PALM2AKAP2: variants seen among roughly 807,000 people sequenced by gnomAD.
PALM2AKAP2 encodes the protein PALM2-AKAP2 fusion protein.
Under a neutral mutation model 71.5 loss-of-function variants are expected in PALM2AKAP2, and 37 were observed. That is an observed-to-expected ratio of 0.52 (90% CI 0.40 to 0.68). The LOEUF (loss-of-function observed/expected upper bound fraction) is 0.68. Among genes scored for constraint, PALM2AKAP2 ranks in the 30% least tolerant of loss-of-function variants. PALM2AKAP2 has a pLI of 0.00. For missense variants in PALM2AKAP2, 1,224 were observed against 1,191.8 expected, an observed-to-expected ratio of 1.03 and a Z score of -0.40; for synonymous variants, 468 against 478.8, an observed-to-expected ratio of 0.98 and a Z score of 0.29.
At chr9:109,946,401 A>C (rs1195081420) in intron 6 of PALM2AKAP2, 1 of 152,074 alleles carries the variant, frequency 6.6e-6, no homozygotes, top group Non-Finnish European at 1.5e-5. Context: ...AAAATAATAT[A>C]ATCAGGCCGA....
chr9:109,794,175 A>C (rs1029256595), intron 1 of PALM2AKAP2, among the ~76,000 whole-genome samples: 3 of 152,168 alleles, frequency 2.0e-5, no homozygotes, highest in African/African-American at 7.2e-5. Context: ...TGTTTACCGA[A>C]GCTGGCATGT....
At chr9:110,163,680 T>C (rs1043034034) in intron 3 of PALM2AKAP2, among the ~76,000 whole-genome samples, 1 of 152,220 alleles carries the variant, frequency 6.6e-6, no homozygotes, top group African/African-American at 2.4e-5. Flanking sequence ...TCTGCATTGT[T>C]TTGAGATGTG....
At chr9:110,043,359 C>A (rs1833539478) in intron 7 of PALM2AKAP2, among the ~76,000 whole-genome samples, 1 of 152,234 alleles carries the variant, frequency 6.6e-6, no homozygotes, top group African/African-American at 2.4e-5. Flanking sequence ...CTCCTCCCCA[C>A]CACTCTGGTC....
At chr9:109,903,750 A>G (rs1035914775) in intron 3 of PALM2AKAP2, among the ~76,000 whole-genome samples, 5 of 151,682 alleles carry the variant, frequency 3.3e-5, no homozygotes, top group Non-Finnish European at 4.4e-5. Context: ...CCATGTGCAC[A>G]TAAGCCGCTC....
chr9:109,777,954 G>T (rs1829371083), upstream of PALM2AKAP2, among the ~76,000 whole-genome samples: 1 of 152,170 alleles, frequency 6.6e-6, no homozygotes, highest in Admixed American at 6.5e-5. Context: ...TCTATTCAGA[G>T]TTCAGATATT....
intron 1 of PALM2AKAP2, among the ~76,000 whole-genome samples, chr9:109,657,705 G>T (rs1311672242): frequency 6.6e-6 from 1 of 152,142 alleles, no homozygotes; most frequent in Non-Finnish European, 1.5e-5. Flanking sequence ...CCTCAGAGAA[G>T]CTCAGGTAGA....
rs1227524584 is a variant in PALM2AKAP2, at chr9:109,716,623, G to A, written c.6-63865G>A. Among the ~76,000 whole-genome samples the A allele has an allele frequency of 3.9e-5, 6 of 152,302 alleles. No homozygotes were observed. The South Asian group carries it at 8.3e-4, about 21-fold the overall frequency. On this transcript the variant is annotated intron_variant, in intron 1 of 6. Transcript: ENST00000374531. The stretch of plus-strand genomic sequence containing the variant: ...CTTCCAAGGAGGAAACCAGGTCATG[G>A]GTGAAGGCTTTAGTCAGGGATAGGG...
At chr9:110,084,808 T>C (rs1834527239) in intron 1 of PALM2AKAP2, among the ~76,000 whole-genome samples, 1 of 152,142 alleles carries the variant, frequency 6.6e-6, no homozygotes, top group Non-Finnish European at 1.5e-5. Context: ...CGATCTCGGC[T>C]CACTGCAACC....
intron 1 of PALM2AKAP2, among the ~76,000 whole-genome samples, chr9:109,791,814 A>C (rs769038619): frequency 6.6e-6 from 1 of 152,170 alleles, no homozygotes; most frequent in Admixed American, 6.5e-5. Flanking sequence ...CTGCTTTTCC[A>C]AGAGAACCTG....
intron 6 of PALM2AKAP2, among the ~76,000 whole-genome samples, chr9:109,948,362 C>G (rs564982607): frequency 2.0e-5 from 3 of 152,318 alleles, no homozygotes; most frequent in East Asian, 1.9e-4. Flanking sequence ...CTTCCCCTCT[C>G]CTTTCCAGTA....
At chr9:109,770,548 A>G (rs996708071) in intron 1 of PALM2AKAP2, among the ~76,000 whole-genome samples, 1 of 152,220 alleles carries the variant, frequency 6.6e-6, no homozygotes, top group African/African-American at 2.4e-5. Flanking sequence ...CATAGTCAAA[A>G]TGTTACAAAA....
chr9:109,732,753 A>G (rs1828575396), intron 1 of PALM2AKAP2, among the ~76,000 whole-genome samples: 1 of 152,200 alleles, frequency 6.6e-6, no homozygotes, highest in Admixed American at 6.5e-5. Flanking sequence ...GAGGGGTTAG[A>G]GAATGGCTGA....
At chr9:110,003,730 A>T (rs914082565) in intron 6 of PALM2AKAP2, among the ~76,000 whole-genome samples, 3 of 152,168 alleles carry the variant, frequency 2.0e-5, no homozygotes, top group Non-Finnish European at 4.4e-5. Flanking sequence ...GGATGCATAT[A>T]TATTTAGGAT....
intron 1 of PALM2AKAP2, among the ~76,000 whole-genome samples, chr9:110,088,580 CA>C (rs1360252909): frequency 1.3e-5 from 2 of 152,040 alleles, no homozygotes; most frequent in Middle Eastern, 3.4e-3. Flanking sequence ...TCTAGGTAGT[CA>C]GCGTGAATTG....
In PALM2AKAP2 at chr9:110,008,889, A is replaced by G. The variant is rs1355481704; in HGVS notation, c.497-7065A>G. ...CTATTACTTCTGGGCTGGAGCATTT[A>G]ACTGCTGATGTAGGACACCTTGCTG... On this transcript the variant is annotated intron_variant, in intron 6 of 9. Transcript: ENST00000302798. Among the ~76,000 whole-genome samples, 3 of 150,708 alleles carry G rather than the reference A, an allele frequency of 2.0e-5. No homozygotes were observed. The East Asian group carries it at 6.1e-4, about 31-fold the overall frequency.
chr9:110,107,684 A>G (rs1357647543), intron 1 of PALM2AKAP2, among the ~76,000 whole-genome samples: 2 of 152,022 alleles, frequency 1.3e-5, no homozygotes, highest in Non-Finnish European at 1.5e-5. Flanking sequence ...CTCCTGCCTC[A>G]GCCTCCCGAG....
At chr9:109,880,824 T>G in intron 3 of PALM2AKAP2, 143 bp downstream of exon 3, 1 of 1,273,756 alleles carries the variant, frequency 7.9e-7, no homozygotes, top group Non-Finnish European at 1.0e-6. Flanking sequence ...ATTGATGTTG[T>G]TTAAACTTTT....
intron 6 of PALM2AKAP2, among the ~76,000 whole-genome samples, chr9:109,977,345 T>C (rs1832189993): frequency 3.3e-5 from 5 of 152,332 alleles, no homozygotes; most frequent in African/African-American, 1.2e-4. Flanking sequence ...CTCTGACACT[T>C]GCATCAATTT....
chr9:110,039,485 G>A (rs1191157465), intron 7 of PALM2AKAP2, among the ~76,000 whole-genome samples: 1 of 152,114 alleles, frequency 6.6e-6, no homozygotes, highest in Non-Finnish European at 1.5e-5. Flanking sequence ...ATTTTCCTAA[G>A]GTCACATAGC....
Sources: allele counts gnomAD v4.1 joint callset (sites outside exome capture counted in the v4.1 genomes callset), GRCh38; gene constraint gnomAD v4.1.1; transcripts MANE v1.5; gene names NCBI Gene and HGNC (gene_info 2026-07-23, HGNC 2026-07-21).